The following CSMD3 variants were observed in gnomAD, a reference collection of about 807,000 sequenced individuals.
CSMD3 encodes CUB and Sushi multiple domains 3, also known as CUB and sushi domain-containing protein 3.
CSMD3 carries 177 observed loss-of-function variants against 435.2 expected under a neutral mutation model. The ratio of observed to expected loss-of-function variants is 0.41; its 90% CI spans 0.36 to 0.46. The LOEUF is 0.46. Ranked by LOEUF, CSMD3 falls within the 20% of genes least tolerant of loss-of-function variation. The probability of loss-of-function intolerance (pLI) is 0.34; values close to 1 mark genes in which losing one functional copy is unlikely to be tolerated. For synonymous variants in CSMD3, 1,656 were observed against 1,520.5 expected (o/e 1.09, Z -2.07); for missense variants, 4,265 against 4,504.6 (o/e 0.95, Z 1.52).
chr8:112,689,898 GGTTATTCT>G lies in CSMD3; in HGVS notation c.2117_2124del (p.Glu706AlafsTer16). The stretch of plus-strand genomic sequence containing the variant: ...CAGATGGGTATGTTTGCAGACCATT[GGTTATTCT>G]CTTGACAAACAATGGATTTCTCTCC... On this transcript the variant is annotated frameshift_variant, in exon 14 of 71. Coordinates refer to ENST00000297405, the MANE Select transcript of CSMD3 (RefSeq NM_198123.2). LOFTEE classifies it high-confidence loss of function. 1 of 1,613,144 alleles carries G rather than the reference GGTTATTCT, an allele frequency of 6.2e-7. No individual in the cohort carries two copies.
chr8:112,825,217 CA>C (rs2079642469), intron 12 of CSMD3, among the ~76,000 whole-genome samples: 1 of 152,096 alleles, frequency 6.6e-6, no homozygotes, highest in Non-Finnish European at 1.5e-5. Context: ...AACCTTTTAT[CA>C]AGGTTCTTAT....
At chr8:113,048,251 C>T (rs2087928966) in intron 5 of CSMD3, among the ~76,000 whole-genome samples, 1 of 152,014 alleles carries the variant, frequency 6.6e-6, no homozygotes, top group Admixed American at 6.6e-5. Flanking sequence ...CACTAACACG[C>T]CCAGCTAATT....
chr8:112,832,144 A>G (rs982959496), intron 11 of CSMD3, among the ~76,000 whole-genome samples: 2 of 152,198 alleles, frequency 1.3e-5, no homozygotes, highest in African/African-American at 2.4e-5. Flanking sequence ...ATAAAGATGT[A>G]TCTTCATATC....
At chr8:112,644,673 A>AT (rs562563723) in intron 20 of CSMD3, among the ~76,000 whole-genome samples, 4 of 152,134 alleles carry the variant, frequency 2.6e-5, no homozygotes, top group Non-Finnish European at 5.9e-5. Context: ...TATAGAGAAT[A>AT]TAATTGTTAC....
Position 113,190,500 on chromosome 8 carries a change from A to T in CSMD3, c.515-16584T>A, listed in dbSNP as rs1412848508. ...TTTGGGAATGGAATAACTGAGGGAA[A>T]GACTGAGATGAAATGAAAACAGAAT... On this transcript the variant is annotated intron_variant, in intron 3 of 70. Coordinates refer to ENST00000297405, the MANE Select transcript of CSMD3 (RefSeq NM_198123.2). 4.6e-5 allele frequency among the ~76,000 whole-genome samples: 7 copies of T among 151,974 alleles called. No individual in the cohort carries two copies. In the East Asian group the frequency reaches 1.4e-3, roughly 30 times the overall value.
intron 9 of CSMD3, among the ~76,000 whole-genome samples, chr8:112,931,718 C>G (rs952702759): frequency 6.6e-6 from 1 of 152,020 alleles, no homozygotes. Context: ...GAGTAATATT[C>G]TGAATTTAAA....
intron 10 of CSMD3, among the ~76,000 whole-genome samples, chr8:112,864,018 T>C (rs1333867248): frequency 2.0e-5 from 3 of 152,028 alleles, no homozygotes; most frequent in South Asian, 2.1e-4. Context: ...TCTTAGAGGT[T>C]CCAGGCAGGG....
intron 13 of CSMD3, among the ~76,000 whole-genome samples, chr8:112,696,122 T>C (rs1003470614): frequency 2.0e-5 from 3 of 152,152 alleles, no homozygotes; most frequent in African/African-American, 4.8e-5. Flanking sequence ...ATATGAAGAA[T>C]CAGTATCGTG....
intron 63 of CSMD3, among the ~76,000 whole-genome samples, chr8:112,250,559 C>A (rs1454736868): frequency 1.3e-5 from 2 of 151,384 alleles, no homozygotes; most frequent in African/African-American, 4.8e-5. Context: ...TTTGATATAT[C>A]CTTCTGACTG....
chr8:112,932,405 G>T (rs1293975679), intron 9 of CSMD3, among the ~76,000 whole-genome samples: 1 of 152,150 alleles, frequency 6.6e-6, no homozygotes, highest in Non-Finnish European at 1.5e-5. Context: ...CATAGACATA[G>T]AAAGTAGAAA....
intron 50 of CSMD3, among the ~76,000 whole-genome samples, chr8:112,309,771 T>C (rs969089469): frequency 1.3e-5 from 2 of 152,152 alleles, no homozygotes; most frequent in Admixed American, 1.3e-4. Flanking sequence ...TTGAAAGCTA[T>C]CCTTTTATGA....
At chr8:113,382,696 T>A (rs188567621) in intron 1 of CSMD3, among the ~76,000 whole-genome samples, 371 of 152,224 alleles carry the variant, frequency 2.4e-3, no homozygotes, top group African/African-American at 8.5e-3. Context: ...TTTAAAACAG[T>A]TGGCCAGGCG....
At chr8:112,650,405 G>C in intron 18 of CSMD3, 56 bp from the exon 19 acceptor site, 2 of 1,343,848 alleles carry the variant, frequency 1.5e-6, no homozygotes, top group Non-Finnish European at 2.1e-6. Context: ...TGGAGTTGCT[G>C]AAAATAATTC....
intron 5 of CSMD3, among the ~76,000 whole-genome samples, chr8:113,034,180 T>C (rs1171596346): frequency 6.6e-6 from 1 of 151,552 alleles, no homozygotes; most frequent in Admixed American, 6.6e-5. Flanking sequence ...GTATTATTTA[T>C]TGCAATTCAA....
intron 10 of CSMD3, among the ~76,000 whole-genome samples, chr8:112,881,852 A>T (rs999953759): frequency 7.2e-5 from 11 of 151,978 alleles, no homozygotes; most frequent in Admixed American, 2.0e-4. Context: ...GAATCCTAGG[A>T]TATGAGAAAC....
intron 3 of CSMD3, among the ~76,000 whole-genome samples, chr8:113,275,186 G>A (rs2093560503): frequency 6.6e-6 from 1 of 151,982 alleles, no homozygotes. Context: ...ATGAAGTAGG[G>A]AGAATTATTA....
In CSMD3 at chr8:112,629,262, C is replaced by T. The variant is rs142179217; in HGVS notation, c.3715+7555G>A. Among the ~76,000 whole-genome samples, 622 of 152,106 alleles carry T rather than the reference C, an allele frequency of 4.1e-3. 1 individual carries two copies. Among genetic ancestry groups the T allele is most frequent in the South Asian group, 6.2e-3 (30 of 4,808 alleles). ...TGTTGCCCAGGCTGGAGTGTGGTGG[C>T]ACCATCACAGCTCACTGCCCCCTTG... is the stretch of plus-strand genomic sequence containing the variant. On this transcript the variant is annotated intron_variant, in intron 22 of 70. Coordinates refer to ENST00000297405, the MANE Select transcript of CSMD3 (RefSeq NM_198123.2).
intron 32 of CSMD3, among the ~76,000 whole-genome samples, chr8:112,470,306 G>A: frequency 6.6e-6 from 1 of 151,934 alleles, no homozygotes; most frequent in East Asian, 1.9e-4. Context: ...CCTTTTTCGG[G>A]GGTGGAAGAG....
At chr8:112,571,771 A>G (rs950830443) in intron 24 of CSMD3, among the ~76,000 whole-genome samples, 2 of 151,862 alleles carry the variant, frequency 1.3e-5, no homozygotes, top group African/African-American at 4.8e-5. Flanking sequence ...AGGGAGGCTG[A>G]AGCAGGAGAA....
Sources: allele counts gnomAD v4.1 joint callset (sites outside exome capture counted in the v4.1 genomes callset), GRCh38; gene constraint gnomAD v4.1.1; transcripts MANE v1.5; gene names NCBI Gene and HGNC (gene_info 2026-07-23, HGNC 2026-07-21).